Variants in ASAP1 observed in about 807,000 individuals in gnomAD.
ASAP1 encodes the protein arf-GAP with SH3 domain, ANK repeat and PH domain-containing protein 1.
In ASAP1, 43 loss-of-function variants were observed where a neutral mutation model predicts 145.2. That is an observed-to-expected ratio of 0.30 (90% CI 0.23 to 0.38). The LOEUF (loss-of-function observed/expected upper bound fraction) is 0.38. Ranked by LOEUF, ASAP1 falls within the 10% of genes least tolerant of loss-of-function variation. The pLI, the probability that ASAP1 is intolerant of heterozygous loss-of-function variation, is 1.00. For missense variants in ASAP1, 1,018 were observed against 1,355.3 expected (o/e 0.75, Z 3.91); for synonymous variants, 546 against 515.5 (o/e 1.06, Z -0.80).
intron 3 of ASAP1, among the ~76,000 whole-genome samples, chr8:130,338,194 G>GAA (rs1478003496): frequency 6.6e-6 from 1 of 152,132 alleles, no homozygotes; most frequent in Admixed American, 6.5e-5. Context: ...TCAGAAAAAG[G>GAA]TATATATTTA....
intron 2 of ASAP1, among the ~76,000 whole-genome samples, chr8:130,375,864 C>T (rs1359002395): frequency 6.6e-6 from 1 of 152,198 alleles, no homozygotes; most frequent in Non-Finnish European, 1.5e-5. Context: ...CAGCTGTCTA[C>T]AGCCATACCT....
chr8:130,283,475 G>A (rs1198339227), intron 3 of ASAP1, among the ~76,000 whole-genome samples: 1 of 151,422 alleles, frequency 6.6e-6, no homozygotes, highest in East Asian at 1.9e-4. Flanking sequence ...AGCTACTCAG[G>A]AGGCTGAGGC....
chr8:130,238,357 A>G (rs1162631701), intron 3 of ASAP1, among the ~76,000 whole-genome samples: 2 of 152,286 alleles, frequency 1.3e-5, no homozygotes, highest in African/African-American at 4.8e-5. Flanking sequence ...ACAGAGACAC[A>G]GTAACAGAGA....
chr8:130,211,766 T>C (rs201488655), intron 5 of ASAP1, among the ~76,000 whole-genome samples: 1 of 103,352 alleles, frequency 9.7e-6, no homozygotes, highest in Non-Finnish European at 2.4e-5. Context: ...CATAATAGAC[T>C]TTTGGTACTT....
chr8:130,320,723 TA>T (rs539446297), intron 3 of ASAP1, among the ~76,000 whole-genome samples: 3 of 150,898 alleles, frequency 2.0e-5, no homozygotes, highest in African/African-American at 4.9e-5. Flanking sequence ...AGTATCACAT[TA>T]AAAAAAAATG....
In ASAP1 at chr8:130,358,841, C is replaced by G. The variant is rs1826546756; in HGVS notation, c.60-698G>C. On this transcript the variant is annotated intron_variant, in intron 2 of 29. Coordinates refer to ENST00000518721, the MANE Select transcript of ASAP1 (RefSeq NM_018482.4). The surrounding 1 kb of genome is among the most constrained non-coding windows in gnomAD (Gnocchi z 4.1). ...CTGCGCGGCACGGGGGCTCCGGAAG[C>G]CCGAGTCCCTGGTTCGCCCCCGGAG... Among the ~76,000 whole-genome samples the G allele has an allele frequency of 6.6e-6, 1 of 151,758 alleles. No individual in the cohort carries two copies. The highest frequency in any genetic ancestry group is 2.1e-4 in the South Asian group (1 of 4,832).
At chr8:130,383,436 A>G (rs1190259004) in intron 2 of ASAP1, among the ~76,000 whole-genome samples, 1 of 152,206 alleles carries the variant, frequency 6.6e-6, no homozygotes, top group African/African-American at 2.4e-5. Flanking sequence ...AAATGAGGCC[A>G]TCTGAGAGGA....
chr8:130,428,674 T>A (rs1397392963), intron 1 of ASAP1, among the ~76,000 whole-genome samples: 1 of 145,744 alleles, frequency 6.9e-6, no homozygotes, highest in South Asian at 2.3e-4. Context: ...CCCACCATCA[T>A]CATCACCATC....
Position 130,374,034 on chromosome 8 carries a change from T to TAAAA in ASAP1, c.60-15895_60-15892dup, listed in dbSNP as rs34199624. Among the ~76,000 whole-genome samples the TAAAA allele has an allele frequency of 3.4e-3, 320 of 94,352 alleles. 4 individuals carry two copies. The highest frequency in any genetic ancestry group is 6.0e-3 in the East Asian group (19 of 3,188). The allele number at this position is 94,352 out of a possible 152,430, so 61.9% of individuals were successfully genotyped here. A position where few individuals can be genotyped will look rare whatever the true frequency, so the allele number is the denominator to read the frequency against. ...GCCTTGGAGAAAGTGTAACTCCCTT[T>TAAAA]AAAAAAAAAAAAAAAAAAAAAAGCA... On this transcript the variant is annotated intron_variant, in intron 2 of 29. Coordinates refer to ENST00000518721, the MANE Select transcript of ASAP1 (RefSeq NM_018482.4).
chr8:130,115,426 C>CT (rs771147545), intron 23 of ASAP1, among the ~76,000 whole-genome samples: 78 of 152,360 alleles, frequency 5.1e-4, no homozygotes, highest in Admixed American at 1.1e-3. Context: ...GTCTCTCTCC[C>CT]TATCCTGTTG....
intron 13 of ASAP1, among the ~76,000 whole-genome samples, chr8:130,150,594 G>A (rs1452366724): frequency 3.9e-5 from 6 of 152,154 alleles, no homozygotes; most frequent in Non-Finnish European, 5.9e-5. Flanking sequence ...GCATGGTAAC[G>A]CTGGCCAGGT....
In ASAP1 at chr8:130,246,128, C is replaced by T. The variant is rs139316011; in HGVS notation, c.187-9134G>A. 5.3e-5 allele frequency among the ~76,000 whole-genome samples: 8 copies of T among 152,150 alleles called. No homozygotes were observed. In the East Asian group the frequency reaches 1.2e-3, roughly 22 times the overall value. On this transcript the variant is annotated intron_variant, in intron 3 of 29. Transcript: ENST00000518721. ...GTCTTACAAAGTCCTACATGTAACA[C>T]GGGCAAAAGGAAGCCATTTGCGGTG...
In ASAP1 at chr8:130,128,202, A is replaced by G. The variant is rs1586383909; in HGVS notation, c.1218-112T>C. The stretch of plus-strand genomic sequence containing the variant: ...AAAAAAAATCTACTTTTGTCAAGTA[A>G]TTCCAAAAGAGAAGCCCCCTTCCAA... On this transcript the variant is annotated intron_variant, in intron 15 of 29. Transcript: ENST00000518721. 4.0e-6 allele frequency: 3 copies of G among 747,782 alleles called. No homozygotes were observed. The East Asian group carries it at 1.0e-4, about 25-fold the overall frequency. The allele number at this position is 747,782 out of a possible 1,614,324, so 46.3% of individuals were successfully genotyped here. A position where few individuals can be genotyped will look rare whatever the true frequency, so the allele number is the denominator to read the frequency against.
At chr8:130,144,330 A>G (rs1318763179) in intron 13 of ASAP1, among the ~76,000 whole-genome samples, 1 of 152,212 alleles carries the variant, frequency 6.6e-6, no homozygotes, top group Non-Finnish European at 1.5e-5. Context: ...TGCCAGATAC[A>G]TTATATGAAT....
intron 3 of ASAP1, among the ~76,000 whole-genome samples, chr8:130,320,635 GGAA>G (rs1823943862): frequency 2.4e-5 from 1 of 41,572 alleles, no homozygotes; most frequent in Non-Finnish European, 4.2e-5. Flanking sequence ...GTATGAAGGA[GGAA>G]GAGTTAAAAA....
At chr8:130,256,781 A>ATATATATC in intron 3 of ASAP1, among the ~76,000 whole-genome samples, 1 of 112,612 alleles carries the variant, frequency 8.9e-6, no homozygotes, top group Non-Finnish European at 1.9e-5. Flanking sequence ...ATATATATAT[A>ATATATATC]TCCTTATATA....
intron 15 of ASAP1, among the ~76,000 whole-genome samples, chr8:130,131,501 C>T (rs769651594): frequency 1.0e-4 from 15 of 149,728 alleles, no homozygotes; most frequent in Non-Finnish European, 1.9e-4. Flanking sequence ...CTATAGCTCA[C>T]GCCTGTAATC....
chr8:130,067,803 C>T (rs949306600), intron 27 of ASAP1, among the ~76,000 whole-genome samples: 2 of 152,194 alleles, frequency 1.3e-5, no homozygotes, highest in South Asian at 2.1e-4. Flanking sequence ...TAGCACACTG[C>T]GGCATGTTGT....
chr8:130,260,335 C>T (rs1819818566), intron 3 of ASAP1, among the ~76,000 whole-genome samples: 1 of 152,180 alleles, frequency 6.6e-6, no homozygotes, highest in African/African-American at 2.4e-5. Flanking sequence ...CCATTCTCTT[C>T]TCTTATACTC....
Sources: gnomAD v4.1 joint callset for allele counts (sites outside exome capture counted in the v4.1 genomes callset) on GRCh38, gnomAD v4.1.1 for gene constraint, Gnocchi (gnomAD v3.1) non-coding constraint, MANE v1.5 for transcripts, NCBI Gene and HGNC (gene_info 2026-07-23, HGNC 2026-07-21) for gene names.